The following AFG1L variants were observed in gnomAD, a reference collection of about 807,000 sequenced individuals.
AFG1L encodes the protein AFG1 like ATPase.
Under a neutral mutation model 62.2 loss-of-function variants are expected in AFG1L, and 53 were observed. That is an observed-to-expected ratio of 0.85 (90% CI 0.68 to 1.07). The LOEUF (loss-of-function observed/expected upper bound fraction) is 1.07. AFG1L is among the 50% of genes least tolerant of loss of function. The pLI is 0.00. For synonymous variants in AFG1L, 228 were observed against 210.3 expected, an observed-to-expected ratio of 1.08 and a Z score of -0.73; for missense variants, 555 against 590.5, an observed-to-expected ratio of 0.94 and a Z score of 0.62.
chr6:108,525,727 C>A lies in AFG1L; in HGVS notation c.*3302C>A, dbSNP rs1483151019. On this transcript the variant is annotated 3_prime_UTR_variant, in exon 13 of 13. Transcript: ENST00000368977. ...GCTGAGACACAGAAAACAGCTAAAA[C>A]AGATTAATGAATTGCTAAGATATAA... The A allele has an allele frequency of 6.6e-6, 1 of 152,196 alleles. No homozygotes were observed. Among genetic ancestry groups the A allele is most frequent in the Non-Finnish European group, 1.5e-5 (1 of 68,040 alleles). 9.4% of individuals were successfully genotyped at this position (152,196 alleles called of 1,614,324 possible).
chr6:108,401,990 T>C lies in AFG1L; in HGVS notation c.749-6T>C. 3.6e-6 allele frequency: 5 copies of C among 1,400,122 alleles called. No homozygotes were observed. The highest frequency in any genetic ancestry group is 4.9e-6 in the Non-Finnish European group (5 of 1,018,436). 86.7% of individuals were successfully genotyped at this position (1,400,122 alleles called of 1,614,324 possible). ...GCAAAAAACTAATATCATTTTTTTC[T>C]TTCAGATCTCTATAAAAATGGACTC... On this transcript the variant is annotated splice_polypyrimidine_tract_variant and splice_region_variant and intron_variant, in intron 6 of 12. Transcript: ENST00000368977.
At chr6:108,393,497 A>C (rs1781150806) in intron 6 of AFG1L, among the ~76,000 whole-genome samples, 1 of 151,976 alleles carries the variant, frequency 6.6e-6, no homozygotes, top group African/African-American at 2.4e-5. Context: ...ATTTTTTAAA[A>C]AGTTCATCCT....
intron 3 of AFG1L, among the ~76,000 whole-genome samples, chr6:108,352,536 TATACTATA>T (rs746205524): frequency 1.3e-5 from 2 of 152,188 alleles, no homozygotes; most frequent in African/African-American, 2.4e-5. Flanking sequence ...TAATAGTTGT[TATACTATA>T]TTGTTTTTTG....
At chr6:108,393,828 T>G (rs1400315097) in intron 6 of AFG1L, among the ~76,000 whole-genome samples, 1 of 152,154 alleles carries the variant, frequency 6.6e-6, no homozygotes, top group East Asian at 1.9e-4. Flanking sequence ...CCCAATAAAA[T>G]TTTTAAAGGG....
At chr6:108,387,348 A>G (rs17069543) in intron 6 of AFG1L, among the ~76,000 whole-genome samples, 6,500 of 152,318 alleles carry the variant, frequency 0.043, 214 homozygotes, top group South Asian at 0.1. Context: ...TGTGACTGCC[A>G]GTGGGTAGGC....
chr6:108,447,291 C>T lies in AFG1L; in HGVS notation c.885C>T (p.Tyr295=). 1.3e-6 allele frequency: 2 copies of T among 1,580,690 alleles called. No individual in the cohort carries two copies. The highest frequency in any genetic ancestry group is 1.7e-4 in the Middle Eastern group (1 of 5,998). The change falls in exon 8 of 13, where the codon TAC becomes TAT. Residue 295 remains tyrosine (Y), a synonymous_variant. Coordinates refer to ENST00000368977, the MANE Select transcript of AFG1L (RefSeq NM_145315.5). ...AACTTCCTGCTGCAGGAAAACTCTA[C>T]TACCTGTAAGTGTTTCTAATTTTTA... The part of the protein sequence containing the change: ...KRELPAAGKL[Y]YLTSEADVEA...
At chr6:108,375,200 GTTAT>G (rs1358364953) in intron 6 of AFG1L, among the ~76,000 whole-genome samples, 1 of 152,158 alleles carries the variant, frequency 6.6e-6, no homozygotes, top group African/African-American at 2.4e-5. Context: ...CTTTCCTGAA[GTTAT>G]TTATTAGTTC....
In AFG1L at chr6:108,433,746, C is replaced by A. The variant is rs549236483; in HGVS notation, c.808-13468C>A. Among the ~76,000 whole-genome samples, 13 of 152,086 alleles carry A rather than the reference C, an allele frequency of 8.5e-5. 1 individual carries two copies. The South Asian group carries it at 2.7e-3, about 32-fold the overall frequency. Reference sequence around the variant, plus strand: ...TAGCTGGGATTACAGGCACAAGGCACCATGTCTGGCTAATTTTTGTATTTT... The same window carrying A: ...TAGCTGGGATTACAGGCACAAGGCAACATGTCTGGCTAATTTTTGTATTTT... On this transcript the variant is annotated intron_variant, in intron 7 of 12. Coordinates refer to ENST00000368977, the MANE Select transcript of AFG1L (RefSeq NM_145315.5).
chr6:108,512,187 T>G (rs368144614), intron 11 of AFG1L, among the ~76,000 whole-genome samples: 35 of 152,248 alleles, frequency 2.3e-4, no homozygotes, highest in African/African-American at 8.2e-4. Flanking sequence ...TTATAAATGC[T>G]GAGAAGAGTG....
At chr6:108,326,522 A>T (rs2114318958) in intron 2 of AFG1L, among the ~76,000 whole-genome samples, 1 of 152,348 alleles carries the variant, frequency 6.6e-6, no homozygotes, top group Non-Finnish European at 1.5e-5. Context: ...AAACATTAAT[A>T]GTAGTAAGAG....
intron 10 of AFG1L, among the ~76,000 whole-genome samples, chr6:108,497,439 A>G (rs1370973631): frequency 2.0e-5 from 3 of 151,878 alleles, no homozygotes; most frequent in East Asian, 1.9e-4. Context: ...TTCTGTTGCA[A>G]TGCTGTTACA....
chr6:108,301,480 G>T (rs1776998289), intron 1 of AFG1L, among the ~76,000 whole-genome samples: 2 of 152,178 alleles, frequency 1.3e-5, no homozygotes, highest in African/African-American at 4.8e-5. Context: ...TGCTATTCCT[G>T]CCTAACTATT....
chr6:108,425,444 T>A (rs536770459), intron 7 of AFG1L, among the ~76,000 whole-genome samples: 1 of 151,466 alleles, frequency 6.6e-6, no homozygotes, highest in South Asian at 2.1e-4. Flanking sequence ...ATGTGTATAC[T>A]CACAGAATTT....
At chr6:108,422,923 C>T (rs1770666241) in intron 7 of AFG1L, among the ~76,000 whole-genome samples, 1 of 151,970 alleles carries the variant, frequency 6.6e-6, no homozygotes. Context: ...ACCCATTTTG[C>T]ATATTGTGCC....
intron 6 of AFG1L, among the ~76,000 whole-genome samples, chr6:108,388,396 A>C (rs1256098751): frequency 2.6e-5 from 4 of 151,360 alleles, no homozygotes; most frequent in Admixed American, 1.3e-4. Context: ...CTCTGATTTT[A>C]GTTATTTCTT....
chr6:108,395,168 C>A (rs1781235223), intron 6 of AFG1L, among the ~76,000 whole-genome samples: 1 of 152,048 alleles, frequency 6.6e-6, no homozygotes, highest in Non-Finnish European at 1.5e-5. Context: ...ACTTTGCTTA[C>A]TATAATGATG....
chr6:108,308,850 C>T (rs1026375632), intron 1 of AFG1L, among the ~76,000 whole-genome samples: 3 of 151,990 alleles, frequency 2.0e-5, no homozygotes, highest in Non-Finnish European at 4.4e-5. Context: ...GGACTACAGG[C>T]GTGTGCCACC....
intron 8 of AFG1L, among the ~76,000 whole-genome samples, chr6:108,452,410 A>T (rs1287871373): frequency 2.6e-5 from 4 of 152,146 alleles, no homozygotes; most frequent in African/African-American, 9.6e-5. Context: ...TCTCTTTTTT[A>T]TTCCAAGGCT....
chr6:108,352,371 A>AT (rs1779115047), intron 3 of AFG1L, among the ~76,000 whole-genome samples: 1 of 151,908 alleles, frequency 6.6e-6, no homozygotes, highest in Non-Finnish European at 1.5e-5. Context: ...TTCATGGGGG[A>AT]TTGGTTTCAG....
Sources: allele counts gnomAD v4.1 joint callset (sites outside exome capture counted in the v4.1 genomes callset), GRCh38; gene constraint gnomAD v4.1.1; transcripts MANE v1.5; gene names NCBI Gene and HGNC (gene_info 2026-07-23, HGNC 2026-07-21).